Variants in IGHMBP2 observed in about 807,000 individuals in gnomAD.
The protein encoded by IGHMBP2 is immunoglobulin mu DNA binding protein 2, also known as DNA-binding protein SMUBP-2.
Under a neutral mutation model 96.0 loss-of-function variants are expected in IGHMBP2, and 81 were observed. That is an observed-to-expected ratio of 0.84 (90% CI 0.71 to 1.01). The LOEUF is 1.01. Ranked by LOEUF, IGHMBP2 falls within the 50% of genes least tolerant of loss-of-function variation. IGHMBP2 has a pLI of 0.00. For missense variants in IGHMBP2, 1,227 were observed against 1,306.3 expected, an observed-to-expected ratio of 0.94 and a Z score of 0.94; for synonymous variants, 557 against 548.9, an observed-to-expected ratio of 1.01 and a Z score of -0.21.
chr11:68,930,044 C>T (rs1162246193), intron 8 of IGHMBP2: 5 of 1,135,648 alleles, frequency 4.4e-6, no homozygotes, highest in Non-Finnish European at 5.5e-6. Flanking sequence ...TCGCTGGCCC[C>T]TCTGCCTGGA....
rs923706776 is a variant in IGHMBP2 at position 68,903,908 on chromosome 11, C to T, written c.-45C>T. The T allele has an allele frequency of 3.5e-5, 56 of 1,604,640 alleles. No individual in the cohort carries two copies. Among genetic ancestry groups the T allele is most frequent in the Non-Finnish European group, 4.8e-5 (56 of 1,174,838 alleles). On this transcript the variant is annotated 5_prime_UTR_variant, in exon 1 of 15. Coordinates refer to ENST00000255078, the MANE Select transcript of IGHMBP2 (RefSeq NM_002180.3). ...GGTCCGCTGTAACACCGGCCCGGCGCAGAAGCGGGACGTCGGCTTCTAGGG... is the reference window on the plus strand; with the variant it reads ...GGTCCGCTGTAACACCGGCCCGGCGTAGAAGCGGGACGTCGGCTTCTAGGG...
At chr11:68,913,551 C>T (rs1239843180) in intron 5 of IGHMBP2, among the ~76,000 whole-genome samples, 1 of 152,024 alleles carries the variant, frequency 6.6e-6, no homozygotes, top group East Asian at 1.9e-4. Flanking sequence ...AACTCCTGAC[C>T]TCGCACCTTG....
chr11:68,923,769 A>ATT (rs1858963592), intron 7 of IGHMBP2, among the ~76,000 whole-genome samples: 1 of 151,706 alleles, frequency 6.6e-6, no homozygotes, highest in Non-Finnish European at 1.5e-5. Context: ...TTTGGATGGT[A>ATT]TTTTTCCCAG....
intron 7 of IGHMBP2, among the ~76,000 whole-genome samples, chr11:68,927,848 AC>A (rs1309683627): frequency 6.6e-6 from 1 of 151,876 alleles, no homozygotes; most frequent in Non-Finnish European, 1.5e-5. Flanking sequence ...CCTGTTCTGC[AC>A]CCCCCGGGGC....
rs771248166 is a variant in IGHMBP2 at position 68,936,948 on chromosome 11, G to A, written c.2468G>A (p.Arg823His). ...AQTEQPPREQ[R>H]GPDQPDLRTL... Reference sequence around the variant, plus strand: ...ACAGAGCAGCCTCCCAGGGAGCAGCGTGGCCCAGACCAGCCTGATCTGAGG... The same window carrying A: ...ACAGAGCAGCCTCCCAGGGAGCAGCATGGCCCAGACCAGCCTGATCTGAGG... Residue 823 changes from arginine (R) to histidine (H), a missense_variant, in exon 13 of 15, where the codon CGT (arginine) becomes CAT (histidine). Coordinates refer to ENST00000255078, the MANE Select transcript of IGHMBP2 (RefSeq NM_002180.3). The A allele has an allele frequency of 5.6e-6, 9 of 1,604,172 alleles. No homozygotes were observed. Among genetic ancestry groups the A allele is most frequent in the Admixed American group, 3.4e-5 (2 of 58,352 alleles).
At position 68,938,465 on chromosome 11, in the gene IGHMBP2, C is replaced by T. The variant is rs79957506; in HGVS notation, c.2784+111C>T. On this transcript the variant is annotated intron_variant, in intron 14 of 14. Coordinates refer to ENST00000255078, the MANE Select transcript of IGHMBP2 (RefSeq NM_002180.3). ...TCCAGTCGGAACAGTTAGCTCCTTA[C>T]AATCTCCAGATACCTTCAGAAACAG... is the stretch of plus-strand genomic sequence containing the variant. The T allele has an allele frequency of 3.2e-6, 3 of 946,494 alleles. No individual in the cohort carries two copies. In the East Asian group the frequency reaches 8.0e-5, roughly 25 times the overall value. 58.6% of individuals were successfully genotyped at this position (946,494 alleles called of 1,614,324 possible).
At position 68,930,328 on chromosome 11, in the gene IGHMBP2, A is replaced by G. The variant is rs181511726; in HGVS notation, c.1235+971A>G. The G allele has an allele frequency of 1.6e-5, 20 of 1,289,796 alleles. No individual in the cohort carries two copies. The African/African-American group carries it at 2.1e-4, about 14-fold the overall frequency. 79.9% of individuals were successfully genotyped at this position (1,289,796 alleles called of 1,614,324 possible). On this transcript the variant is annotated intron_variant, in intron 8 of 14. Transcript: ENST00000255078. ...GTTTCACTGTGGGTGTGTAGAAGCT[A>G]TGAACTCGGAACTTTCGTTGTTTTC...
Position 68,936,912 on chromosome 11 carries a change from C to T in IGHMBP2, c.2432C>T (p.Thr811Ile). The T allele has an allele frequency of 6.2e-7, 1 of 1,606,112 alleles. No individual in the cohort carries two copies. The highest frequency in any genetic ancestry group is 8.5e-7 in the Non-Finnish European group (1 of 1,176,762). The change falls in exon 13 of 15, where the codon ACC (threonine) becomes ATC (isoleucine). Residue 811 changes from threonine to isoleucine, a missense_variant. Physicochemically the swap from Thr to Ile is moderately conservative, Grantham distance 89 (BLOSUM62 -1). Coordinates refer to ENST00000255078, the MANE Select transcript of IGHMBP2 (RefSeq NM_002180.3). ...GPAPLQPVPP[T>I]PAQTEQPPRE... The stretch of plus-strand genomic sequence containing the variant: ...GCCCCTCTCCAGCCAGTGCCCCCTA[C>T]CCCTGCGCAGACAGAGCAGCCTCCC...
intron 8 of IGHMBP2, among the ~76,000 whole-genome samples, chr11:68,930,884 A>G (rs770502711): frequency 2.6e-5 from 4 of 152,130 alleles, no homozygotes; most frequent in African/African-American, 9.7e-5. Flanking sequence ...AGCAGAGAGC[A>G]TAGATCCTCT....
chr11:68,904,070 G>A lies in IGHMBP2; in HGVS notation c.86+32G>A, dbSNP rs751793572. 1.9e-5 allele frequency: 29 copies of A among 1,520,228 alleles called. No individual in the cohort carries two copies. The African/African-American group carries it at 3.6e-4, about 19-fold the overall frequency. 94.2% of individuals were successfully genotyped at this position (1,520,228 alleles called of 1,614,324 possible). On this transcript the variant is annotated intron_variant, in intron 1 of 14. Transcript: ENST00000255078. ...GAGGCCGCCGGCGCCGCTCCCTCGC[G>A]GTCGGTCCCGCCGTGTCCCGGGCAG...
In IGHMBP2 at chr11:68,933,869, T is replaced by G; in HGVS notation, c.1493T>G (p.Leu498Arg). ...TTGGTGGACACCGCCGGCTGCGGGC[T>G]GTTTGAGCTGGAGGAGGAGGACGAA... ...LLLVDTAGCG[L>R]FELEEEDEQS... The change falls in exon 10 of 15, where the codon CTG (leucine) becomes CGG (arginine). Residue 498 changes from leucine (L) to arginine (R), a missense_variant. By Grantham distance (102) the Leu-to-Arg change is moderately radical. Coordinates refer to ENST00000255078, the MANE Select transcript of IGHMBP2 (RefSeq NM_002180.3). 1 of 1,605,310 alleles carries G rather than the reference T, an allele frequency of 6.2e-7. No individual in the cohort carries two copies. Among genetic ancestry groups the G allele is most frequent in the Non-Finnish European group, 8.5e-7 (1 of 1,175,686 alleles).
At chr11:68,914,746 G>T in intron 5 of IGHMBP2, 77 bp from the exon 6 acceptor site, 1 of 1,468,930 alleles carries the variant, frequency 6.8e-7, no homozygotes. Flanking sequence ...TACCTTTAAG[G>T]CTTTTTGTTG....
At chr11:68,937,601 C>T (rs1859602582) in intron 13 of IGHMBP2, 3 of 252,564 alleles carry the variant, frequency 1.2e-5, no homozygotes, top group South Asian at 1.0e-4. Flanking sequence ...TTTGCCACAT[C>T]CTGCATTGTG....
In IGHMBP2 at chr11:68,929,287, C is replaced by A; in HGVS notation, c.1165C>A (p.Leu389Met). 6.2e-7 allele frequency: 1 copy of A among 1,613,870 alleles called. No individual in the cohort carries two copies. Among genetic ancestry groups the A allele is most frequent in the East Asian group, 2.2e-5 (1 of 44,878 alleles). The change falls in exon 8 of 15, where the codon CTG (leucine) becomes ATG (methionine). Residue 389 changes from leucine to methionine, a missense_variant. By Grantham distance (15) the Leu-to-Met change is conservative. Transcript: ENST00000255078. Reference sequence around the variant, plus strand: ...CCTCGAGGCGAGCTGCTGGATCCCCCTGCTGAAGGCCAGAAAGTGCATCCT... The same window carrying A: ...CCTCGAGGCGAGCTGCTGGATCCCCATGCTGAAGGCCAGAAAGTGCATCCT... Reference protein sequence around the residue: ...QALEASCWIPLLKARKCILAG... With the variant: ...QALEASCWIPMLKARKCILAG...
In IGHMBP2 at chr11:68,908,006, T is replaced by TA. The variant is rs1378656193; in HGVS notation, c.257-139_257-138insA. 4 of 834,314 alleles carry TA rather than the reference T, an allele frequency of 4.8e-6. No individual in the cohort carries two copies. The African/African-American group carries it at 5.1e-5, about 11-fold the overall frequency. The allele number at this position is 834,314 out of a possible 1,614,324, so 51.7% of individuals were successfully genotyped here. ...GCCCGGCCTAACTTACTTTCTTTTT[T>TA]TTTTTTTAACTGTTACTGATTGCAT... On this transcript the variant is annotated intron_variant, in intron 2 of 14. Coordinates refer to ENST00000255078, the MANE Select transcript of IGHMBP2 (RefSeq NM_002180.3).
chr11:68,938,097 C>G, intron 13 of IGHMBP2, 85 bp from the exon 14 acceptor site: 1 of 1,466,158 alleles, frequency 6.8e-7, no homozygotes, highest in African/African-American at 1.4e-5. Context: ...AGCCACCGTG[C>G]TTAGCCATGA....
rs374845226 is a variant in IGHMBP2 at position 68,929,242 on chromosome 11, A to C, written c.1120A>C (p.Ile374Leu). Residue 374 changes from isoleucine to leucine, a missense_variant, in exon 8 of 15, where the codon ATT becomes CTT. Around this residue, in one of 3 missense-constraint regions of IGHMBP2, gnomAD observed 507 missense variants for 496.9 expected, o/e 1.02. Transcript: ENST00000255078. ...LPESYFDVVV[I>L]DECAQALEAS... is the part of the protein sequence containing the mutation. ...CGAGAGCTACTTCGACGTGGTGGTC[A>C]TTGACGAGTGTGCCCAGGCCCTCGA... 3 of 1,613,910 alleles carry C rather than the reference A, an allele frequency of 1.9e-6. No individual in the cohort carries two copies. The South Asian group carries it at 3.3e-5, about 18-fold the overall frequency.
rs1859688101 is a variant in IGHMBP2 at position 68,939,807 on chromosome 11, C to T, written c.*76C>T. ...GCGCTGGCAGACCATGCTCCGCCTCCACCAGGGCCACAGAGGAGCGGAGGG... is the reference window on the plus strand; with the variant it reads ...GCGCTGGCAGACCATGCTCCGCCTCTACCAGGGCCACAGAGGAGCGGAGGG... On this transcript the variant is annotated 3_prime_UTR_variant, in exon 15 of 15. Coordinates refer to ENST00000255078, the MANE Select transcript of IGHMBP2 (RefSeq NM_002180.3). 3 of 1,455,698 alleles carry T rather than the reference C, an allele frequency of 2.1e-6. No homozygotes were observed. Among genetic ancestry groups the T allele is most frequent in the African/African-American group, 2.8e-5 (2 of 71,798 alleles). 90.2% of individuals were successfully genotyped at this position (1,455,698 alleles called of 1,614,324 possible).
At chr11:68,933,935 C>T in intron 10 of IGHMBP2, 22 bp downstream of exon 10, 4 of 1,505,590 alleles carry the variant, frequency 2.7e-6, no homozygotes, top group Non-Finnish European at 3.6e-6. Flanking sequence ...TGCAGATGGC[C>T]AGCTTTTTTG....
Sources: gnomAD v4.1 joint callset for allele counts (sites outside exome capture counted in the v4.1 genomes callset) on GRCh38, gnomAD v4.1.1 for gene constraint, gnomAD v4.1.1 regional missense constraint, MANE v1.5 for transcripts, NCBI Gene and HGNC (gene_info 2026-07-23, HGNC 2026-07-21) for gene names.